Variants in CNTN5 observed in about 807,000 individuals in gnomAD.
The protein encoded by CNTN5 is contactin 5.
CNTN5 carries 77 observed loss-of-function variants against 129.1 expected under a neutral mutation model. The observed-to-expected ratio is 0.60, with a 90% CI of 0.50 to 0.72. CNTN5 has a LOEUF of 0.72. CNTN5 is among the 30% of genes least tolerant of loss of function. CNTN5 has a pLI of 0.00. For missense variants in CNTN5, 1,478 were observed against 1,328.8 expected, an observed-to-expected ratio of 1.11 and a Z score of -1.75; for synonymous variants, 509 against 465.6, an observed-to-expected ratio of 1.09 and a Z score of -1.20.
chr11:99,185,162 GGA>G (rs1483063449), intron 1 of CNTN5, among the ~76,000 whole-genome samples: 3 of 151,636 alleles, frequency 2.0e-5, no homozygotes, highest in Admixed American at 1.3e-4. Flanking sequence ...CAGAAAAAAA[GGA>G]AAAGACTTTC....
chr11:100,096,766 A>G (rs2138035372), intron 13 of CNTN5, among the ~76,000 whole-genome samples: 1 of 152,232 alleles, frequency 6.6e-6, no homozygotes, highest in South Asian at 2.1e-4. Flanking sequence ...TCTGCTCTAA[A>G]ACTTTTTGGC....
chr11:100,163,107 CTG>C (rs1947513730), intron 13 of CNTN5, among the ~76,000 whole-genome samples: 1 of 151,632 alleles, frequency 6.6e-6, no homozygotes, highest in South Asian at 2.1e-4. Context: ...TTCAAAATCT[CTG>C]TACTAAATTT....
chr11:100,263,702 T>C (rs1950248224), intron 17 of CNTN5, among the ~76,000 whole-genome samples: 1 of 152,120 alleles, frequency 6.6e-6, no homozygotes, highest in Non-Finnish European at 1.5e-5. Flanking sequence ...CAAAAATTCT[T>C]ATAACCTTCA....
At chr11:99,248,465 A>T (rs369478384) in intron 1 of CNTN5, among the ~76,000 whole-genome samples, 1 of 151,996 alleles carries the variant, frequency 6.6e-6, no homozygotes, top group East Asian at 1.9e-4. Flanking sequence ...TCTTTAGTTT[A>T]ATTAGATCCC....
At chr11:99,961,088 C>G (rs1439908063) in intron 8 of CNTN5, among the ~76,000 whole-genome samples, 1 of 151,208 alleles carries the variant, frequency 6.6e-6, no homozygotes, top group Non-Finnish European at 1.5e-5. Flanking sequence ...GCCTGTAGTC[C>G]CCACTACCCG....
At chr11:100,301,435 C>A (rs1048359810) in intron 20 of CNTN5, among the ~76,000 whole-genome samples, 1 of 151,452 alleles carries the variant, frequency 6.6e-6, no homozygotes, top group African/African-American at 2.4e-5. Context: ...AGAAAATATG[C>A]ATATTTTCTT....
At chr11:100,189,913 C>T (rs1269106487) in intron 13 of CNTN5, among the ~76,000 whole-genome samples, 1 of 151,960 alleles carries the variant, frequency 6.6e-6, no homozygotes, top group Admixed American at 6.6e-5. Context: ...ATATTGGAAA[C>T]CATATGTTTT....
intron 13 of CNTN5, among the ~76,000 whole-genome samples, chr11:100,088,673 C>G (rs1356532235): frequency 6.6e-6 from 1 of 152,002 alleles, no homozygotes; most frequent in African/African-American, 2.4e-5. Context: ...CACATTCTCC[C>G]AAGATTGAAT....
intron 13 of CNTN5, among the ~76,000 whole-genome samples, chr11:100,139,028 AG>A (rs1310849629): frequency 1.3e-5 from 2 of 152,148 alleles, no homozygotes; most frequent in African/African-American, 4.8e-5. Flanking sequence ...TTTTGACCTG[AG>A]GAATTGAAAC....
chr11:99,984,807 T>C (rs1938569344), intron 8 of CNTN5, among the ~76,000 whole-genome samples: 1 of 152,182 alleles, frequency 6.6e-6, no homozygotes, highest in South Asian at 2.1e-4. Context: ...TATGGAAAGA[T>C]AACTTAGGAC....
At chr11:100,161,760 G>A (rs955792479) in intron 13 of CNTN5, among the ~76,000 whole-genome samples, 1 of 149,976 alleles carries the variant, frequency 6.7e-6, no homozygotes, top group Non-Finnish European at 1.5e-5. Flanking sequence ...AGTAAAAGCA[G>A]AGGTCAGAGG....
At position 99,232,130 on chromosome 11, in the gene CNTN5, G is replaced by A. The variant is rs374991601; in HGVS notation, c.-209-93216G>A. ...TTGCTTAGGATTGTCTTGGCTATAC[G>A]GGCTCTTTGTTGGTTCCATATGAAT... On this transcript the variant is annotated intron_variant, in intron 1 of 24. Coordinates refer to ENST00000524871, the MANE Select transcript of CNTN5 (RefSeq NM_014361.4). 6.6e-5 allele frequency among the ~76,000 whole-genome samples: 10 copies of A among 152,148 alleles called. No homozygotes were observed. In the East Asian group the frequency reaches 1.2e-3, roughly 18 times the overall value.
At chr11:99,388,720 A>G (rs1941067138) in intron 2 of CNTN5, among the ~76,000 whole-genome samples, 1 of 152,182 alleles carries the variant, frequency 6.6e-6, no homozygotes, top group African/African-American at 2.4e-5. Flanking sequence ...TACTATACAT[A>G]CAGATTTGTT....
chr11:99,118,577 A>T (rs1278462169), intron 1 of CNTN5, among the ~76,000 whole-genome samples: 1 of 152,112 alleles, frequency 6.6e-6, no homozygotes, highest in Non-Finnish European at 1.5e-5. Flanking sequence ...GAAGTATGGA[A>T]AATATATAGA....
chr11:99,783,632 A>G (rs1272898800), intron 3 of CNTN5, among the ~76,000 whole-genome samples: 2 of 134,442 alleles, frequency 1.5e-5, no homozygotes, highest in Admixed American at 7.7e-5. Flanking sequence ...ATGGAATACT[A>G]TGCAGCCATA....
At chr11:99,552,439 T>C (rs1181737060) in intron 2 of CNTN5, among the ~76,000 whole-genome samples, 1 of 152,074 alleles carries the variant, frequency 6.6e-6, no homozygotes, top group East Asian at 1.9e-4. Flanking sequence ...TAGTTTAACC[T>C]CAGGCACTGA....
intron 3 of CNTN5, among the ~76,000 whole-genome samples, chr11:99,765,197 A>T (rs1944712121): frequency 6.6e-6 from 1 of 152,046 alleles, no homozygotes; most frequent in South Asian, 2.1e-4. Flanking sequence ...ACTAAGAAAC[A>T]GTTGTTTAAG....
At chr11:99,983,385 G>GT (rs34491040) in intron 8 of CNTN5, among the ~76,000 whole-genome samples, 21,602 of 152,198 alleles carry the variant, frequency 0.14, 1,681 homozygotes, top group African/African-American at 0.2. Context: ...AGAGGTATCA[G>GT]TAAGTATAGG....
chr11:99,638,041 GT>G (rs1444458680), intron 3 of CNTN5, among the ~76,000 whole-genome samples: 2 of 151,290 alleles, frequency 1.3e-5, no homozygotes, highest in Non-Finnish European at 2.9e-5. Context: ...TATTGTATTT[GT>G]TTTTACACTG....
Sources: allele counts gnomAD v4.1 joint callset (sites outside exome capture counted in the v4.1 genomes callset), GRCh38; gene constraint gnomAD v4.1.1; transcripts MANE v1.5; gene names NCBI Gene and HGNC (gene_info 2026-07-23, HGNC 2026-07-21).